Variants in IL1RAPL1 observed in about 807,000 individuals in gnomAD.
IL1RAPL1 encodes the protein interleukin 1 receptor accessory protein like 1.
A neutral mutation model predicts 48.4 loss-of-function variants in IL1RAPL1; 3 were observed. The ratio of observed to expected loss-of-function variants is 0.06; its 90% confidence interval spans 0.03 to 0.16. The LOEUF (loss-of-function observed/expected upper bound fraction) is 0.16. Among genes scored for constraint, IL1RAPL1 ranks in the 10% least tolerant of loss-of-function variants. The pLI, the probability that IL1RAPL1 is intolerant of heterozygous loss-of-function variation, is 1.00. For synonymous variants in IL1RAPL1, 185 were observed against 187.7 expected (o/e 0.99, Z 0.12); for missense variants, 349 against 530.6 (o/e 0.66, Z 3.36).
chrX:29,069,276 G>A (rs1927512695), intron 2 of IL1RAPL1, among the ~76,000 whole-genome samples: 1 of 111,657 alleles, frequency 9.0e-6, no homozygotes, highest in Non-Finnish European at 1.9e-5. Flanking sequence ...ATCTACTACC[G>A]ACATGCTGTA....
chrX:29,815,259 G>C (rs1203048111), intron 6 of IL1RAPL1, among the ~76,000 whole-genome samples: 1 of 111,342 alleles, frequency 9.0e-6, no homozygotes, highest in Non-Finnish European at 1.9e-5. Flanking sequence ...ATGTATTTCA[G>C]CAGTGTTTTG....
intron 2 of IL1RAPL1, among the ~76,000 whole-genome samples, chrX:29,074,508 A>G (rs1927629920): frequency 8.9e-6 from 1 of 112,178 alleles, no homozygotes; most frequent in Admixed American, 9.5e-5. Context: ...ACAAAATCTA[A>G]TAGGACTTAA....
intron 5 of IL1RAPL1, among the ~76,000 whole-genome samples, chrX:29,553,305 G>A (rs1341515330): frequency 9.0e-6 from 1 of 111,283 alleles, no homozygotes; most frequent in Non-Finnish European, 1.9e-5. Flanking sequence ...CATGGCTTCC[G>A]TTTCCTCTAG....
chrX:29,465,598 C>T (rs1030111294), intron 5 of IL1RAPL1, among the ~76,000 whole-genome samples: 1 of 111,144 alleles, frequency 9.0e-6, no homozygotes, highest in African/African-American at 3.3e-5. Flanking sequence ...GGTTCCCACT[C>T]CCAGGGATTC....
intron 5 of IL1RAPL1, among the ~76,000 whole-genome samples, chrX:29,548,042 C>T (rs1056954716): frequency 8.9e-6 from 1 of 112,363 alleles, no homozygotes; most frequent in Non-Finnish European, 1.9e-5. Context: ...CCTTTGCCTT[C>T]TACAGTCTTC....
chrX:29,867,143 TA>T (rs373140544), intron 6 of IL1RAPL1, among the ~76,000 whole-genome samples: 3,212 of 107,720 alleles, frequency 0.03, 134 homozygotes, highest in African/African-American at 0.1. Flanking sequence ...TATATATTGG[TA>T]AAAAAAAAAT....
At chrX:29,394,731 C>T (rs754157804) in intron 3 of IL1RAPL1, among the ~76,000 whole-genome samples, 92 of 111,662 alleles carry the variant, frequency 8.2e-4, no homozygotes, top group Admixed American at 2.9e-3. Flanking sequence ...AGCAAAATTC[C>T]TGAACACACA....
At chrX:29,028,999 G>A (rs187737310) in intron 2 of IL1RAPL1, among the ~76,000 whole-genome samples, 93 of 111,506 alleles carry the variant, frequency 8.3e-4, no homozygotes, top group African/African-American at 2.8e-3. Flanking sequence ...CACATTGCTG[G>A]GAAGGCCTTG....
chrX:28,674,325 G>A (rs1476900909), intron 1 of IL1RAPL1, among the ~76,000 whole-genome samples: 2 of 109,925 alleles, frequency 1.8e-5, no homozygotes. Flanking sequence ...TGTGGAAAAT[G>A]TGGAAAACTC....
intron 2 of IL1RAPL1, among the ~76,000 whole-genome samples, chrX:29,034,571 A>G (rs1043029365): frequency 3.6e-5 from 4 of 112,037 alleles, no homozygotes; most frequent in African/African-American, 1.3e-4. Flanking sequence ...TGCTTTCAAT[A>G]GACTTTTAAT....
intron 5 of IL1RAPL1, among the ~76,000 whole-genome samples, chrX:29,476,864 C>T (rs1213389719): frequency 1.4e-5 from 1 of 72,639 alleles, no homozygotes; most frequent in Non-Finnish European, 2.4e-5. Context: ...TTACTTTTTA[C>T]CCATATTCTT....
intron 5 of IL1RAPL1, among the ~76,000 whole-genome samples, chrX:29,594,711 T>C (rs903577891): frequency 9.0e-6 from 1 of 111,714 alleles, no homozygotes; most frequent in African/African-American, 3.2e-5. Context: ...GGATTTTTTA[T>C]TTGTATTTAT....
intron 3 of IL1RAPL1, among the ~76,000 whole-genome samples, chrX:29,310,876 A>G (rs1385931578): frequency 6.2e-5 from 7 of 112,327 alleles, no homozygotes; most frequent in Non-Finnish European, 1.1e-4. Context: ...ATTCCTATTT[A>G]TTCAATTTTA....
chrX:28,656,644 C>T (rs931580854), intron 1 of IL1RAPL1, among the ~76,000 whole-genome samples: 3 of 111,746 alleles, frequency 2.7e-5, no homozygotes, highest in African/African-American at 9.8e-5. Context: ...GAGAGGCCTT[C>T]GGTGACCTCT....
intron 5 of IL1RAPL1, among the ~76,000 whole-genome samples, chrX:29,601,770 G>A (rs1923726673): frequency 8.9e-6 from 1 of 112,063 alleles, no homozygotes; most frequent in Admixed American, 9.4e-5. Context: ...GAAAGAGGAT[G>A]GTGAAGGGCA....
At chrX:29,292,902 A>T (rs1932392421) in intron 3 of IL1RAPL1, among the ~76,000 whole-genome samples, 1 of 111,646 alleles carries the variant, frequency 9.0e-6, no homozygotes, top group South Asian at 3.7e-4. Flanking sequence ...GTTTGGATGT[A>T]GAGTCTCTTA....
At chrX:28,760,556 A>G (rs1056400612) in intron 1 of IL1RAPL1, among the ~76,000 whole-genome samples, 1 of 112,083 alleles carries the variant, frequency 8.9e-6, no homozygotes, top group African/African-American at 3.2e-5. Flanking sequence ...CAAAAGCAGT[A>G]ATATAGAAAC....
chrX:28,975,215 T>C (rs1569211608), intron 2 of IL1RAPL1, among the ~76,000 whole-genome samples: 1 of 112,115 alleles, frequency 8.9e-6, no homozygotes, highest in Admixed American at 9.4e-5. Flanking sequence ...TTCATACTTC[T>C]GTCTTATTAT....
intron 3 of IL1RAPL1, among the ~76,000 whole-genome samples, chrX:29,339,657 A>G (rs1315779652): frequency 1.8e-5 from 2 of 112,249 alleles, no homozygotes; most frequent in East Asian, 5.5e-4. Flanking sequence ...TTGCAAAAGT[A>G]TGGTACAGTT....
Sources: gnomAD v4.1 joint callset for allele counts (sites outside exome capture counted in the v4.1 genomes callset) on GRCh38, gnomAD v4.1.1 for gene constraint, MANE v1.5 for transcripts, NCBI Gene and HGNC (gene_info 2026-07-23, HGNC 2026-07-21) for gene names.